DNAH17: variants seen among roughly 807,000 people sequenced by gnomAD.
DNAH17 encodes the protein dynein axonemal heavy chain 17.
DNAH17 carries 376 observed loss-of-function variants against 485.6 expected under a neutral mutation model. The observed-to-expected ratio is 0.77, with a 90% CI of 0.71 to 0.84. DNAH17 has a LOEUF of 0.84. Among genes scored for constraint, DNAH17 ranks in the 40% least tolerant of loss-of-function variants. DNAH17 has a pLI of 0.00. For missense variants in DNAH17, 6,370 were observed against 5,839.3 expected, an observed-to-expected ratio of 1.09 and a Z score of -2.96; for synonymous variants, 3,031 against 2,405.9, an observed-to-expected ratio of 1.26 and a Z score of -7.60.
At chr17:78,488,582 C>T (rs150046150) in intron 44 of DNAH17, among the ~76,000 whole-genome samples, 7 of 152,184 alleles carry the variant, frequency 4.6e-5, no homozygotes, top group East Asian at 1.9e-4. Flanking sequence ...TTCAGTTCCC[C>T]GGACATTGTC....
At position 78,485,629 on chromosome 17, in the gene DNAH17, C is replaced by G. The variant is rs1259669936; in HGVS notation, c.7404G>C (p.Lys2468Asn). 9.3e-6 allele frequency: 15 copies of G among 1,613,968 alleles called. No homozygotes were observed. Among genetic ancestry groups the G allele is most frequent in the Non-Finnish European group, 1.3e-5 (15 of 1,179,878 alleles). ...GTGKSVLMGD[K>N]LESLNTDNYL... ...AGTTGTCCGTGTTCAGGCTTTCCAGCTTGTCCCCCATCAGCACCGACTTGC... is the reference window on the plus strand; with the variant it reads ...AGTTGTCCGTGTTCAGGCTTTCCAGGTTGTCCCCCATCAGCACCGACTTGC... Residue 2468 changes from lysine (K) to asparagine (N), a missense_variant, in exon 47 of 81, where the codon AAG becomes AAC. Coordinates refer to ENST00000389840, the MANE Select transcript of DNAH17 (RefSeq NM_173628.4).
At chr17:78,445,714 AGCCAGTAAAAC>A in intron 69 of DNAH17, 34 bp from the exon 70 acceptor site, 1 of 1,578,858 alleles carries the variant, frequency 6.3e-7, no homozygotes, top group South Asian at 1.2e-5. Flanking sequence ...CACTTAACGC[AGCCAGTAAAAC>A]GTCAGCAGCC....
At chr17:78,539,014 T>C (rs978457611) in intron 18 of DNAH17, among the ~76,000 whole-genome samples, 2 of 152,104 alleles carry the variant, frequency 1.3e-5, no homozygotes, top group South Asian at 2.1e-4. Flanking sequence ...TGGTCGATCA[T>C]GAGGTCAGGA....
chr17:78,572,809 C>T lies in DNAH17; in HGVS notation c.431G>A (p.Arg144Lys). The T allele has an allele frequency of 1.2e-6, 2 of 1,613,972 alleles. No homozygotes were observed. The highest frequency in any genetic ancestry group is 1.7e-6 in the Non-Finnish European group (2 of 1,179,876). Reference protein sequence around the residue: ...VSEDIVKQVHRLKNEMFVMSG... With the variant: ...VSEDIVKQVHKLKNEMFVMSG... ...CATCACAAACATTTCATTCTTCAGC[C>T]TGTGGACCTGCTTCACGATGTCTTC... The change falls in exon 3 of 81, where the codon AGG (arginine) becomes AAG (lysine). Residue 144 changes from arginine (R) to lysine (K), a missense_variant. Coordinates refer to ENST00000389840, the MANE Select transcript of DNAH17 (RefSeq NM_173628.4).
chr17:78,536,598 T>C (rs185903503), intron 19 of DNAH17, among the ~76,000 whole-genome samples: 94 of 151,660 alleles, frequency 6.2e-4, no homozygotes, highest in East Asian at 6.1e-3. Context: ...GGAGGATCAA[T>C]TGGGCCCGGG....
Position 78,496,008 on chromosome 17 carries a change from G to A in DNAH17, c.5770C>T (p.Arg1924Trp), listed in dbSNP as rs768967388. 6.2e-6 allele frequency: 10 copies of A among 1,613,710 alleles called. No individual in the cohort carries two copies. The highest frequency in any genetic ancestry group is 2.2e-5 in the East Asian group (1 of 44,874). Reference sequence around the variant, plus strand: ...AAATTGAATGCTTTTTTCTTGGCCCGAATTGCATCCTGGACACATTTTACC... The same window carrying A: ...AAATTGAATGCTTTTTTCTTGGCCCAAATTGCATCCTGGACACATTTTACC... ...VQVKCVQDAIRAKKKAFNFLG... is the reference protein window; with the variant it reads ...VQVKCVQDAIWAKKKAFNFLG... The change falls in exon 38 of 81, where the codon CGG becomes TGG. Residue 1924 changes from arginine to tryptophan, a missense_variant. Physicochemically the swap from Arg to Trp is moderately radical, Grantham distance 101 (BLOSUM62 -3). Transcript: ENST00000389840.
intron 72 of DNAH17, among the ~76,000 whole-genome samples, chr17:78,439,665 C>CTT (rs11399691): frequency 0.034 from 3,175 of 92,078 alleles, 322 homozygotes; most frequent in Admixed American, 0.058. Context: ...CAGTACTTCA[C>CTT]TTTTTTTTTT....
At chr17:78,504,642 G>A (rs1337448904) in intron 31 of DNAH17, among the ~76,000 whole-genome samples, 6 of 152,002 alleles carry the variant, frequency 3.9e-5, no homozygotes. Context: ...TCTATTGCTT[G>A]ATCAATAGTT....
Position 78,507,907 on chromosome 17 carries a change from A to G in DNAH17, c.4237-102T>C, listed in dbSNP as rs1443222358. On this transcript the variant is annotated intron_variant, in intron 27 of 80. Transcript: ENST00000389840. The stretch of plus-strand genomic sequence containing the variant: ...CATAGACTGAAGCTCCATGATCAGA[A>G]AGCAAAAAGGCTCAAACCAACGTAT... 5.0e-6 allele frequency: 6 copies of G among 1,188,568 alleles called. No homozygotes were observed. In the African/African-American group the frequency reaches 9.2e-5, roughly 18 times the overall value. 73.6% of individuals were successfully genotyped at this position (1,188,568 alleles called of 1,614,324 possible). A position where few individuals can be genotyped will look rare whatever the true frequency, so the allele number is the denominator to read the frequency against.
At chr17:78,549,709 G>A (rs1019215362) in intron 16 of DNAH17, among the ~76,000 whole-genome samples, 6 of 152,180 alleles carry the variant, frequency 3.9e-5, no homozygotes, top group East Asian at 1.9e-4. Flanking sequence ...CCTCTGTAGC[G>A]GGTGGTGGGC....
intron 20 of DNAH17, among the ~76,000 whole-genome samples, chr17:78,531,305 T>C (rs1283958961): frequency 6.6e-6 from 1 of 151,954 alleles, no homozygotes; most frequent in African/African-American, 2.4e-5. Context: ...ACCTTCTTGG[T>C]CTCGTTTTAC....
At chr17:78,478,689 TTATTACCATCATTACCATCACCACCAC>T (rs574645344) in intron 51 of DNAH17, among the ~76,000 whole-genome samples, 5,588 of 145,642 alleles carry the variant, frequency 0.038, 341 homozygotes, top group African/African-American at 0.14. Flanking sequence ...ATCATCACAA[TTATTACCATCATTACCATCACCACCAC>T]TATTGCCATC....
intron 31 of DNAH17, 134 bp from the exon 32 acceptor site, chr17:78,503,145 TACAGAGCAGTA>T (rs2146725025): frequency 1.0e-6 from 1 of 986,920 alleles, no homozygotes; most frequent in African/African-American, 1.7e-5. Flanking sequence ...TCAAGGATTT[TACAGAGCAGTA>T]ACAGTGACAC....
At chr17:78,428,379 A>T (rs1159780912) in intron 77 of DNAH17, 146 bp downstream of exon 77, 2 of 971,514 alleles carry the variant, frequency 2.1e-6, no homozygotes, top group Non-Finnish European at 3.2e-6. Context: ...GCCATACCCC[A>T]GTGTTTCTGA....
intron 77 of DNAH17, 129 bp downstream of exon 77, chr17:78,428,396 A>G (rs2086554129): frequency 4.2e-6 from 5 of 1,179,962 alleles, no homozygotes; most frequent in East Asian, 2.6e-5. Flanking sequence ...CTGATACCCA[A>G]GCCCAAGGCT....
chr17:78,436,244 T>C (rs1192838918), intron 74 of DNAH17, among the ~76,000 whole-genome samples: 2 of 152,056 alleles, frequency 1.3e-5, no homozygotes, highest in African/African-American at 4.8e-5. Context: ...GTGGCCAACA[T>C]GGTGAAACCC....
At chr17:78,486,199 T>C (rs1306508483) in intron 45 of DNAH17, 25 bp downstream of exon 45, 4 of 1,588,114 alleles carry the variant, frequency 2.5e-6, no homozygotes, top group Non-Finnish European at 3.4e-6. Flanking sequence ...CCTGTGTGGG[T>C]GGCCGGGCCC....
chr17:78,554,508 A>G (rs2091979050), intron 14 of DNAH17, among the ~76,000 whole-genome samples: 1 of 143,926 alleles, frequency 6.9e-6, no homozygotes, highest in Admixed American at 7.5e-5. Flanking sequence ...AGTTTGCCCT[A>G]CTCTAAGAAA....
chr17:78,428,987 C>T, intron 76 of DNAH17, 134 bp downstream of exon 76: 1 of 897,320 alleles, frequency 1.1e-6, no homozygotes, highest in Non-Finnish European at 1.7e-6. Flanking sequence ...AAGTGAGACG[C>T]ATTTCTCATC....
Sources: allele counts gnomAD v4.1 joint callset (sites outside exome capture counted in the v4.1 genomes callset), GRCh38; gene constraint gnomAD v4.1.1; transcripts MANE v1.5; gene names NCBI Gene and HGNC (gene_info 2026-07-23, HGNC 2026-07-21).